The following PDPK1 variants were observed in gnomAD, a reference collection of about 807,000 sequenced individuals.
PDPK1 encodes the protein 3-phosphoinositide-dependent protein kinase 1.
PDPK1 carries 7 observed loss-of-function variants against 39.8 expected under a neutral mutation model. That is an observed-to-expected ratio of 0.18 (90% CI 0.10 to 0.33). PDPK1 has a LOEUF of 0.33. PDPK1 is among the 10% of genes least tolerant of loss of function. The probability of loss-of-function intolerance (pLI) is 1.00; values close to 1 mark genes in which losing one functional copy is unlikely to be tolerated. For synonymous variants in PDPK1, 118 were observed against 159.1 expected (o/e 0.74, Z 1.95); for missense variants, 182 against 384.7 (o/e 0.47, Z 4.41).
chr16:2,595,285 A>G (rs530477132), intron 11 of PDPK1, among the ~76,000 whole-genome samples: 1 of 152,358 alleles, frequency 6.6e-6, no homozygotes, highest in East Asian at 1.9e-4. Context: ...AGATGTTCTT[A>G]CGTCCAACTT....
chr16:2,541,035 G>A (rs1235527404), intron 1 of PDPK1, among the ~76,000 whole-genome samples: 1 of 152,146 alleles, frequency 6.6e-6, no homozygotes, highest in African/African-American at 2.4e-5. Context: ...ATGTATTCCT[G>A]TACGCAACGT....
At chr16:2,547,467 T>C (rs1368019317) in intron 1 of PDPK1, among the ~76,000 whole-genome samples, 1 of 99,152 alleles carries the variant, frequency 1.0e-5, no homozygotes, top group Non-Finnish European at 1.9e-5. Flanking sequence ...TTACAGTCTT[T>C]TGATTGTATG....
intron 1 of PDPK1, among the ~76,000 whole-genome samples, chr16:2,543,897 T>TA (rs1276645060): frequency 6.6e-6 from 1 of 151,256 alleles, no homozygotes; most frequent in East Asian, 1.9e-4. Flanking sequence ...AATTTTTTTT[T>TA]TTTTTTTTTG....
intron 7 of PDPK1, among the ~76,000 whole-genome samples, chr16:2,578,099 C>A (rs1319136203): frequency 6.7e-6 from 1 of 149,138 alleles, no homozygotes; most frequent in Non-Finnish European, 1.5e-5. Flanking sequence ...GCACAGAGCC[C>A]AGGCTTCCTT....
At chr16:2,542,023 C>T (rs2066254173) in intron 1 of PDPK1, among the ~76,000 whole-genome samples, 1 of 151,968 alleles carries the variant, frequency 6.6e-6, no homozygotes, top group Admixed American at 6.6e-5. Flanking sequence ...CGTTTCCATT[C>T]TCTTAGTCTA....
intron 1 of PDPK1, among the ~76,000 whole-genome samples, chr16:2,543,994 C>G (rs1464809223): frequency 1.3e-5 from 2 of 151,996 alleles, no homozygotes; most frequent in South Asian, 2.1e-4. Flanking sequence ...CTCGGCCCCC[C>G]AAAGTGGTGG....
rs548916960 is a variant in PDPK1, at chr16:2,543,865, G to A, written c.24+5729G>A. The stretch of plus-strand genomic sequence containing the variant: ...GCCTCCTGAGTAGCTGGGATTACAG[G>A]CACGTGCCACCGCACCCGGCTAATT... On this transcript the variant is annotated intron_variant, in intron 1 of 13. Transcript: ENST00000342085. 7.9e-4 allele frequency among the ~76,000 whole-genome samples: 119 copies of A among 151,238 alleles called. 3 individuals are homozygous for A. The South Asian group carries it at 0.015, about 19-fold the overall frequency.
rs1323254147 is a variant in PDPK1 at position 2,602,598 on chromosome 16, T to C, written c.*4831T>C. 4 of 234,694 alleles carry C rather than the reference T, an allele frequency of 1.7e-5. No homozygotes were observed. The highest frequency in any genetic ancestry group is 2.5e-5 in the Non-Finnish European group (3 of 118,082). The allele number at this position is 234,694 out of a possible 1,614,324, so 14.5% of individuals were successfully genotyped here. On this transcript the variant is annotated 3_prime_UTR_variant, in exon 14 of 14. Coordinates refer to ENST00000342085, the MANE Select transcript of PDPK1 (RefSeq NM_002613.5). ...TGCTGGTAAAAGCCTCTATTACGAC[T>C]GTAAGTAAGTTGGATGTTGGCAAAA...
At position 2,601,036 on chromosome 16, in the gene PDPK1, C is replaced by G. The variant is rs1048235321; in HGVS notation, c.*3269C>G. 8.6e-5 allele frequency: 20 copies of G among 231,816 alleles called. 1 individual carries two copies. Among genetic ancestry groups the G allele is most frequent in the African/African-American group, 4.3e-4 (19 of 44,342 alleles). The allele number at this position is 231,816 out of a possible 1,614,324, so 14.4% of individuals were successfully genotyped here. A position where few individuals can be genotyped will look rare whatever the true frequency, so the allele number is the denominator to read the frequency against. Reference sequence around the variant, plus strand: ...CTGACCATTTCCCTACTGTAAAATACTTAAGACGGTTTCTGATTTTTCCAC... The same window carrying G: ...CTGACCATTTCCCTACTGTAAAATAGTTAAGACGGTTTCTGATTTTTCCAC... On this transcript the variant is annotated 3_prime_UTR_variant, in exon 14 of 14. Transcript: ENST00000342085.
chr16:2,539,077 GC>G, intron 1 of PDPK1: 3 of 174,050 alleles, frequency 1.7e-5, no homozygotes, highest in Non-Finnish European at 2.3e-5. Context: ...CCAGGATGCG[GC>G]TTTTTTTTTT....
chr16:2,590,271 GCCA>G (rs984086144), intron 11 of PDPK1, among the ~76,000 whole-genome samples: 1 of 152,104 alleles, frequency 6.6e-6, no homozygotes, highest in African/African-American at 2.4e-5. Context: ...CCAGGTGTGT[GCCA>G]CCGTGCCTGG....
rs974508623 is a variant in PDPK1, at chr16:2,599,726, T to A, written c.*1959T>A. 5 of 233,560 alleles carry A rather than the reference T, an allele frequency of 2.1e-5. No homozygotes were observed. Among genetic ancestry groups the A allele is most frequent in the Non-Finnish European group, 4.2e-5 (5 of 118,334 alleles). 14.5% of individuals were successfully genotyped at this position (233,560 alleles called of 1,614,324 possible). A position where few individuals can be genotyped will look rare whatever the true frequency, so the allele number is the denominator to read the frequency against. Reference sequence around the variant, plus strand: ...AGGCTTCCTCCTCCTCATCAGCTATTTTACCCATCTCAGAACGTCCTGTGT... The same window carrying A: ...AGGCTTCCTCCTCCTCATCAGCTATATTACCCATCTCAGAACGTCCTGTGT... On this transcript the variant is annotated 3_prime_UTR_variant, in exon 14 of 14. Coordinates refer to ENST00000342085, the MANE Select transcript of PDPK1 (RefSeq NM_002613.5).
rs57009578 is a variant in PDPK1 at position 2,590,128 on chromosome 16, C to CT, written c.1343+3245dup. Among the ~76,000 whole-genome samples the CT allele has an allele frequency of 5.7e-4, 85 of 149,898 alleles. 1 individual carries two copies. Among genetic ancestry groups the CT allele is most frequent in the African/African-American group, 1.7e-3 (70 of 40,998 alleles). Reference sequence around the variant, plus strand: ...CTGGCTTCTCATCACGGATGATGTTCTTTTTTTTTTGAGGCGGAGTCTCCC... The same window carrying CT: ...CTGGCTTCTCATCACGGATGATGTTCTTTTTTTTTTTGAGGCGGAGTCTCCC... On this transcript the variant is annotated intron_variant, in intron 11 of 13. Transcript: ENST00000342085.
intron 11 of PDPK1, among the ~76,000 whole-genome samples, chr16:2,589,388 G>T (rs1382892289): frequency 6.6e-6 from 1 of 151,972 alleles, no homozygotes; most frequent in African/African-American, 2.4e-5. Context: ...AGTTTTCCTT[G>T]TGCCTACATG....
At position 2,600,669 on chromosome 16, in the gene PDPK1, G is replaced by C. The variant is rs1313513444; in HGVS notation, c.*2902G>C. The C allele has an allele frequency of 5.7e-6, 1 of 176,186 alleles. No homozygotes were observed. The highest frequency in any genetic ancestry group is 3.4e-5 in the African/African-American group (1 of 29,204). The allele number at this position is 176,186 out of a possible 1,614,324, so 10.9% of individuals were successfully genotyped here. On this transcript the variant is annotated 3_prime_UTR_variant, in exon 14 of 14. Coordinates refer to ENST00000342085, the MANE Select transcript of PDPK1 (RefSeq NM_002613.5). ...TACTCCAGCCCTCTTGGGACACACT[G>C]TGGGATTTGTGGCCCTTCCCCAGAG...
Position 2,602,010 on chromosome 16 carries a change from T to C in PDPK1, c.*4243T>C, listed in dbSNP as rs1002418050. The C allele has an allele frequency of 4.3e-6, 1 of 234,048 alleles. No homozygotes were observed. Among genetic ancestry groups the C allele is most frequent in the Non-Finnish European group, 8.5e-6 (1 of 117,716 alleles). The allele number at this position is 234,048 out of a possible 1,614,324, so 14.5% of individuals were successfully genotyped here. A position where few individuals can be genotyped will look rare whatever the true frequency, so the allele number is the denominator to read the frequency against. On this transcript the variant is annotated 3_prime_UTR_variant, in exon 14 of 14. Coordinates refer to ENST00000342085, the MANE Select transcript of PDPK1 (RefSeq NM_002613.5). ...GATTATGGCCAAATTGCACGGAATT[T>C]GGTTTCTTGCCCTCTGAAGCCTGAG...
intron 1 of PDPK1, among the ~76,000 whole-genome samples, chr16:2,541,737 G>T (rs1468472401): frequency 6.6e-6 from 1 of 152,214 alleles, no homozygotes; most frequent in Admixed American, 6.5e-5. Context: ...GACATGAGTT[G>T]CTCAGGTCTT....
chr16:2,587,687 T>C (rs1230341140), intron 11 of PDPK1, among the ~76,000 whole-genome samples: 1 of 152,216 alleles, frequency 6.6e-6, no homozygotes, highest in East Asian at 1.9e-4. Flanking sequence ...TTTTGTATTT[T>C]TTGATAGAGA....
Position 2,584,765 on chromosome 16 carries a change from C to T in PDPK1, c.1125+1180C>T, listed in dbSNP as rs550646193. Among the ~76,000 whole-genome samples, 14 of 152,168 alleles carry T rather than the reference C, an allele frequency of 9.2e-5. No homozygotes were observed. In the South Asian group the frequency reaches 2.1e-3, roughly 23 times the overall value. On this transcript the variant is annotated intron_variant, in intron 10 of 13. Transcript: ENST00000342085. ...TACCTGCTGTGTAACGCCCCTCATC[C>T]TCCCGACATCCTTTGAGCCCAAACT...
Sources: allele counts gnomAD v4.1 joint callset (sites outside exome capture counted in the v4.1 genomes callset), GRCh38; gene constraint gnomAD v4.1.1; transcripts MANE v1.5; gene names NCBI Gene and HGNC (gene_info 2026-07-23, HGNC 2026-07-21).